Variants in TBX22 observed in about 807,000 individuals in gnomAD.
TBX22 encodes T-box transcription factor TBX22.
A neutral mutation model predicts 30.1 loss-of-function variants in TBX22; 8 were observed. The ratio of observed to expected loss-of-function variants is 0.27; its 90% CI spans 0.16 to 0.48. The LOEUF (loss-of-function observed/expected upper bound fraction) is 0.48, where lower values mean the gene tolerates loss of function less well. Ranked by LOEUF, TBX22 falls within the 20% of genes least tolerant of loss-of-function variation. The pLI is 0.99. For missense variants in TBX22, 463 were observed against 400.5 expected (o/e 1.16, Z -1.33); for synonymous variants, 173 against 149.1 (o/e 1.16, Z -1.17).
chrX:80,030,598 A>T lies in TBX22; in HGVS notation c.1050A>T (p.Leu350Phe), dbSNP rs1469682502. Residue 350 changes from leucine to phenylalanine, a missense_variant, in exon 9 of 9, where the codon TTA becomes TTT. Coordinates refer to ENST00000373296, the MANE Select transcript of TBX22 (RefSeq NM_001109878.2). ...TTTGCTTTTCACCTATGTTTCATTTACCTACAAGCTCCCTTGGAATGCCCT... is the reference window on the plus strand; with the variant it reads ...TTTGCTTTTCACCTATGTTTCATTTTCCTACAAGCTCCCTTGGAATGCCCT... ...SPLCFSPMFH[L>F]PTSSLGMPCP... 8.3e-7 allele frequency: 1 copy of T among 1,211,424 alleles called. No homozygotes were observed.
chrX:80,019,014 G>C (rs1054820122), intron 1 of TBX22, among the ~76,000 whole-genome samples: 6 of 111,422 alleles, frequency 5.4e-5, no homozygotes, highest in Admixed American at 9.5e-5. Flanking sequence ...CAGTAGTATT[G>C]AAAAAGGAGA....
At chrX:80,017,543 G>A (rs1269129445) in intron 1 of TBX22, among the ~76,000 whole-genome samples, 2 of 111,044 alleles carry the variant, frequency 1.8e-5, no homozygotes, top group African/African-American at 6.6e-5. Flanking sequence ...TATTTTCACT[G>A]CTCCAGGAAG....
intron 8 of TBX22, 129 bp downstream of exon 8, chrX:80,028,205 G>A (rs966265533): frequency 8.6e-5 from 47 of 548,359 alleles, no homozygotes; most frequent in Middle Eastern, 4.3e-4. Context: ...GGGTAACTGC[G>A]TGTACATTTG....
chrX:80,017,005 C>CAAAAAAAAAAAAAAAAAAAAAAAA (rs1270817239), intron 1 of TBX22, among the ~76,000 whole-genome samples: 1 of 29,295 alleles, frequency 3.4e-5, no homozygotes, highest in Non-Finnish European at 5.6e-5. Context: ...GATTCTGTCT[C>CAAAAAAAAAAAAAAAAAAAAAAAA]AAAAAAAAAA....
intron 8 of TBX22, among the ~76,000 whole-genome samples, chrX:80,028,297 T>C (rs756729092): frequency 5.7e-4 from 64 of 112,091 alleles, no homozygotes; most frequent in African/African-American, 2.0e-3. Flanking sequence ...TGTAGACTTA[T>C]TGACATATGT....
intron 8 of TBX22, among the ~76,000 whole-genome samples, 164 bp from the exon 9 acceptor site, chrX:80,030,334 C>T (rs907831550): frequency 1.8e-5 from 2 of 112,063 alleles, no homozygotes; most frequent in African/African-American, 6.5e-5. Context: ...CAACTTTAGT[C>T]AGAGGAATGA....
chrX:80,022,884 C>T (rs1923787787), intron 2 of TBX22, among the ~76,000 whole-genome samples, 176 bp from the exon 3 acceptor site: 2 of 108,844 alleles, frequency 1.8e-5, no homozygotes, highest in Non-Finnish European at 3.8e-5. Flanking sequence ...CTTTCACTGC[C>T]CCTCTCTCTC....
At chrX:80,015,756 T>C (rs6621546) in intron 1 of TBX22, among the ~76,000 whole-genome samples, 27,300 of 111,012 alleles carry the variant, frequency 0.25, 2,520 homozygotes, top group East Asian at 0.36. Flanking sequence ...GGTTGCTTTG[T>C]TTCAGTTCAG....
At chrX:80,015,345 C>G (rs1923383675) in intron 1 of TBX22, among the ~76,000 whole-genome samples, 1 of 112,066 alleles carries the variant, frequency 8.9e-6, no homozygotes, top group Non-Finnish European at 1.9e-5. Flanking sequence ...AGTCACTGAG[C>G]TGAGTGGCAG....
intron 2 of TBX22, chrX:80,022,691 C>T (rs1569297805): frequency 1.6e-5 from 7 of 434,162 alleles, no homozygotes; most frequent in Non-Finnish European, 2.8e-5. Context: ...CCTACCTTCG[C>T]GGAAAGCTCT....
chrX:80,030,147 G>A (rs192800122), intron 8 of TBX22, among the ~76,000 whole-genome samples: 9 of 111,534 alleles, frequency 8.1e-5, no homozygotes, highest in East Asian at 5.7e-4. Context: ...TAGAGTGTGC[G>A]CTCCTGTGAG....
At chrX:80,015,931 T>C (rs1208807454) in intron 1 of TBX22, among the ~76,000 whole-genome samples, 1 of 112,044 alleles carries the variant, frequency 8.9e-6, no homozygotes, top group Middle Eastern at 4.2e-3. Context: ...AGCAGTTTTT[T>C]CTCTAGTAAT....
intron 8 of TBX22, among the ~76,000 whole-genome samples, chrX:80,029,641 T>C (rs1924152023): frequency 8.9e-6 from 1 of 112,209 alleles, no homozygotes; most frequent in Non-Finnish European, 1.9e-5. Context: ...TAAATCAGTG[T>C]ACCTTTGGTC....
chrX:80,029,672 C>T (rs112235816), intron 8 of TBX22, among the ~76,000 whole-genome samples: 3,023 of 111,981 alleles, frequency 0.027, 96 homozygotes, highest in African/African-American at 0.088. Context: ...AAAAAATCAA[C>T]GTACATGAAA....
chrX:80,028,215 G>A lies in TBX22; in HGVS notation c.949+139G>A, dbSNP rs1924075993. On this transcript the variant is annotated intron_variant, in intron 8 of 8. Transcript: ENST00000373296. Reference sequence around the variant, plus strand: ...CTTATGGGTAACTGCGTGTACATTTGCCTGAATGACGAGGTAAGAGGCATA... The same window carrying A: ...CTTATGGGTAACTGCGTGTACATTTACCTGAATGACGAGGTAAGAGGCATA... 5.8e-6 allele frequency: 3 copies of A among 519,829 alleles called. No homozygotes were observed. In the South Asian group the frequency reaches 8.8e-5, roughly 15 times the overall value. The allele number at this position is 519,829 out of a possible 1,213,427, so 42.8% of individuals were successfully genotyped here. A position where few individuals can be genotyped will look rare whatever the true frequency, so the allele number is the denominator to read the frequency against.
chrX:80,020,035 A>G (rs1428876968), intron 1 of TBX22, among the ~76,000 whole-genome samples: 4 of 111,577 alleles, frequency 3.6e-5, no homozygotes, highest in African/African-American at 1.3e-4. Context: ...CTTTATTTTT[A>G]CAAAAATCTA....
intron 1 of TBX22, among the ~76,000 whole-genome samples, chrX:80,016,263 T>C (rs1418404987): frequency 8.9e-6 from 1 of 111,825 alleles, no homozygotes; most frequent in African/African-American, 3.3e-5. Flanking sequence ...AAGTAAATAG[T>C]GAAAAGATTA....
In TBX22 at chrX:80,024,098, G is replaced by A; in HGVS notation, c.392G>A (p.Gly131Glu). ...CCCTCTGTTCGGGTCAAGGTGAAAG[G>A]GTTGGATCCAGGGAAGCAGTACCAT... ...MFPSVRVKVK[G>E]LDPGKQYHVA... The change falls in exon 4 of 9, where the codon GGG becomes GAG. Residue 131 changes from glycine (G) to glutamate (E), a missense_variant. By Grantham distance (98) the Gly-to-Glu change is moderately conservative. Coordinates refer to ENST00000373296, the MANE Select transcript of TBX22 (RefSeq NM_001109878.2). 8.3e-7 allele frequency: 1 copy of A among 1,211,413 alleles called. No individual in the cohort carries two copies.
In TBX22 at chrX:80,030,742, C is replaced by G; in HGVS notation, c.1194C>G (p.Asn398Lys). ...CTCCTGAAAGACTAGCAAGCAGCAACAGTTCTCAGTCTTTAGCCCCACTCA... is the reference window on the plus strand; with the variant it reads ...CTCCTGAAAGACTAGCAAGCAGCAAGAGTTCTCAGTCTTTAGCCCCACTCA... ...LPAPERLASS[N>K]SSQSLAPLMM... The change falls in exon 9 of 9, where the codon AAC (asparagine) becomes AAG (lysine). Residue 398 changes from asparagine to lysine, a missense_variant. By Grantham distance (94) the Asn-to-Lys change is moderately conservative (BLOSUM62 0). Transcript: ENST00000373296. The G allele has an allele frequency of 2.5e-6, 3 of 1,211,966 alleles. No individual in the cohort carries two copies. The highest frequency in any genetic ancestry group is 3.3e-6 in the Non-Finnish European group (3 of 895,562).
Sources: gnomAD v4.1 joint callset for allele counts (sites outside exome capture counted in the v4.1 genomes callset) on GRCh38, gnomAD v4.1.1 for gene constraint, MANE v1.5 for transcripts, NCBI Gene and HGNC (gene_info 2026-07-23, HGNC 2026-07-21) for gene names.